CACNA2D3: variants seen among roughly 807,000 people sequenced by gnomAD.
The protein encoded by CACNA2D3 is calcium voltage-gated channel auxiliary subunit alpha2delta 3, also known as voltage-dependent calcium channel subunit alpha-2/delta-3.
A neutral mutation model predicts 160.6 loss-of-function variants in CACNA2D3; 60 were observed. That is an observed-to-expected ratio of 0.37 (90% CI 0.30 to 0.46). The LOEUF is 0.46. Ranked by LOEUF, CACNA2D3 falls within the 20% of genes least tolerant of loss-of-function variation. The pLI is 1.00. For missense variants in CACNA2D3, 1,205 were observed against 1,365.0 expected (o/e 0.88, Z 1.85); for synonymous variants, 558 against 492.9 (o/e 1.13, Z -1.75).
rs990466879 is a variant in CACNA2D3, at chr3:54,252,298, G to T, written c.205-68144G>T. Among the ~76,000 whole-genome samples, 16 of 152,140 alleles carry T rather than the reference G, an allele frequency of 1.1e-4. 1 individual carries two copies. The highest frequency in any genetic ancestry group is 1.0e-3 in the Admixed American group (16 of 15,276). On this transcript the variant is annotated intron_variant, in intron 2 of 37. Coordinates refer to ENST00000474759, the MANE Select transcript of CACNA2D3 (RefSeq NM_018398.3). ...TTATACCAGAAATTATTTATAATTA[G>T]TCATACTATGGATATACAAGGACTT...
Position 55,073,790 on chromosome 3 carries a change from T to G in CACNA2D3, c.3114T>G (p.Leu1038=), listed in dbSNP as rs768475430. The G allele has an allele frequency of 1.2e-6, 2 of 1,613,438 alleles. No individual in the cohort carries two copies. The highest frequency in any genetic ancestry group is 2.2e-5 in the South Asian group (2 of 91,024). The part of the protein sequence containing the change: ...APIEIRYNES[L]KCERLKAQKI... The stretch of plus-strand genomic sequence containing the variant: ...ACTACAGTCAACATAATGAATCCCT[T>G]AAGTGTGAACGTCTAAAGGCCCAGA... Residue 1038 remains leucine, a synonymous_variant, in exon 37 of 38, where the codon CTT becomes CTG. Transcript: ENST00000474759.
intron 29 of CACNA2D3, among the ~76,000 whole-genome samples, chr3:54,980,629 T>C (rs571445139): frequency 3.3e-5 from 5 of 152,346 alleles, no homozygotes; most frequent in Middle Eastern, 3.4e-3. Flanking sequence ...ATTTTAATTA[T>C]GTACTAGGTG....
Position 54,716,685 on chromosome 3 carries a change from C to A in CACNA2D3, c.1168-35914C>A, listed in dbSNP as rs573561890. 5.9e-5 allele frequency among the ~76,000 whole-genome samples: 9 copies of A among 152,174 alleles called. No homozygotes were observed. In the East Asian group the frequency reaches 7.7e-4, roughly 13 times the overall value. On this transcript the variant is annotated intron_variant, in intron 11 of 37. Coordinates refer to ENST00000474759, the MANE Select transcript of CACNA2D3 (RefSeq NM_018398.3). ...GAGACATGAGAAGTTCTATCTGTAG[C>A]TATCAGTTTAGGAACAAAAGTAAAG... is the stretch of plus-strand genomic sequence containing the variant.
At chr3:54,253,307 G>A (rs1035479301) in intron 2 of CACNA2D3, among the ~76,000 whole-genome samples, 7 of 152,088 alleles carry the variant, frequency 4.6e-5, no homozygotes, top group Admixed American at 4.6e-4. Flanking sequence ...TAATCGGCTT[G>A]TGCTTCTGTA....
chr3:55,056,155 A>G (rs888604231), intron 35 of CACNA2D3, among the ~76,000 whole-genome samples: 6 of 152,190 alleles, frequency 3.9e-5, no homozygotes, highest in African/African-American at 1.2e-4. Context: ...ACCTGAATCA[A>G]CACTTTTCAA....
chr3:54,851,162 C>G (rs1008914899), intron 17 of CACNA2D3, among the ~76,000 whole-genome samples: 9 of 152,206 alleles, frequency 5.9e-5, no homozygotes, highest in Non-Finnish European at 1.0e-4. Flanking sequence ...GGGACAGGAA[C>G]TATTCTAAGT....
At chr3:54,762,253 A>G (rs879487898) in intron 12 of CACNA2D3, among the ~76,000 whole-genome samples, 2 of 152,126 alleles carry the variant, frequency 1.3e-5, no homozygotes, top group African/African-American at 2.4e-5. Flanking sequence ...CCTTAACTCC[A>G]GCCATTCTGA....
At chr3:54,645,149 G>A (rs895004546) in intron 11 of CACNA2D3, among the ~76,000 whole-genome samples, 1 of 152,144 alleles carries the variant, frequency 6.6e-6, no homozygotes, top group African/African-American at 2.4e-5. Flanking sequence ...TACAATCATG[G>A]CAGAAGGGGA....
At chr3:54,871,217 ACACACACC>A (rs1301611975) in intron 17 of CACNA2D3, among the ~76,000 whole-genome samples, 3 of 105,902 alleles carry the variant, frequency 2.8e-5, no homozygotes, top group South Asian at 3.6e-4. Context: ...ACACACACAC[ACACACACC>A]CCCCATTCAA....
At chr3:54,640,999 G>T (rs569044409) in intron 10 of CACNA2D3, among the ~76,000 whole-genome samples, 1 of 149,494 alleles carries the variant, frequency 6.7e-6, no homozygotes, top group African/African-American at 2.5e-5. Flanking sequence ...CACCTCTTGT[G>T]TATTTTTTGA....
intron 13 of CACNA2D3, among the ~76,000 whole-genome samples, chr3:54,768,321 C>A (rs942422571): frequency 1.3e-5 from 2 of 152,180 alleles, no homozygotes; most frequent in African/African-American, 4.8e-5. Context: ...AAAGACACAT[C>A]ACACTTATGT....
chr3:54,935,243 T>C (rs1255856332), intron 27 of CACNA2D3, among the ~76,000 whole-genome samples: 2 of 152,152 alleles, frequency 1.3e-5, no homozygotes, highest in Admixed American at 1.3e-4. Context: ...ACTTGCATTT[T>C]GGGGGTTAAT....
chr3:54,171,905 G>A (rs59820568), intron 2 of CACNA2D3, among the ~76,000 whole-genome samples: 7 of 152,104 alleles, frequency 4.6e-5, no homozygotes, highest in Admixed American at 3.3e-4. Context: ...CAACATTCAT[G>A]CCTGTCTCTG....
chr3:54,754,156 T>C (rs1701926174), intron 12 of CACNA2D3, among the ~76,000 whole-genome samples: 1 of 152,176 alleles, frequency 6.6e-6, no homozygotes, highest in African/African-American at 2.4e-5. Flanking sequence ...AACAAATAGT[T>C]TGGGGACAGC....
Position 55,045,041 on chromosome 3 carries a change from T to C in CACNA2D3, c.2987+26724T>C, listed in dbSNP as rs887529386. Among the ~76,000 whole-genome samples the C allele has an allele frequency of 2.6e-5, 4 of 152,228 alleles. No individual in the cohort carries two copies. In the Middle Eastern group the frequency reaches 0.01, roughly 388 times the overall value. On this transcript the variant is annotated intron_variant, in intron 35 of 37. Coordinates refer to ENST00000474759, the MANE Select transcript of CACNA2D3 (RefSeq NM_018398.3). ...TTTTACTCTATGTTAATAAGGTCTG[T>C]TGATATATAGTGGTTTTTGTTTTTG...
At chr3:54,161,162 C>G (rs1267056118) in intron 2 of CACNA2D3, among the ~76,000 whole-genome samples, 1 of 152,096 alleles carries the variant, frequency 6.6e-6, no homozygotes, top group Non-Finnish European at 1.5e-5. Flanking sequence ...GGTGTGAATC[C>G]CAGCTCTGCC....
chr3:54,629,780 C>G (rs929310502), intron 10 of CACNA2D3, among the ~76,000 whole-genome samples: 2 of 152,312 alleles, frequency 1.3e-5, no homozygotes, highest in East Asian at 1.9e-4. Flanking sequence ...TTTGAAAATT[C>G]CCTCTCGTTT....
At position 54,802,330 on chromosome 3, in the gene CACNA2D3, CAG is replaced by C. The variant is rs1703010303; in HGVS notation, c.1381-14517_1381-14516del. ...AGAAGATTCCAAGGAGAAGGATATT[CAG>C]AGAGATACCTTTTGTGTCCCTGACC... On this transcript the variant is annotated intron_variant, in intron 13 of 37. Transcript: ENST00000474759. Among the ~76,000 whole-genome samples, 10 of 152,252 alleles carry C rather than the reference CAG, an allele frequency of 6.6e-5. No homozygotes were observed. The South Asian group carries it at 2.1e-3, about 32-fold the overall frequency.
chr3:54,801,741 A>G (rs990402060), intron 13 of CACNA2D3, among the ~76,000 whole-genome samples: 5 of 152,114 alleles, frequency 3.3e-5, no homozygotes, highest in Non-Finnish European at 7.4e-5. Context: ...AGGAAAGTAT[A>G]TGTGTTGCCA....
Sources: gnomAD v4.1 joint callset for allele counts (sites outside exome capture counted in the v4.1 genomes callset) on GRCh38, gnomAD v4.1.1 for gene constraint, MANE v1.5 for transcripts, NCBI Gene and HGNC (gene_info 2026-07-23, HGNC 2026-07-21) for gene names.